PRSS55: variants seen among roughly 807,000 people sequenced by gnomAD.
PRSS55 encodes the protein probable serine protease UNQ9391/PRO34284.
A neutral mutation model predicts 23.6 loss-of-function variants in PRSS55; 41 were observed. That is an observed-to-expected ratio of 1.74 (90% confidence interval 1.35 to 2.26). The LOEUF is 2.26. Among genes scored for constraint, PRSS55 ranks in the 30% most tolerant of loss-of-function variants. The pLI is 0.00. For missense variants in PRSS55, 669 were observed against 439.1 expected, an observed-to-expected ratio of 1.52 and a Z score of -4.68; for synonymous variants, 262 against 175.5, an observed-to-expected ratio of 1.49 and a Z score of -3.90.
At chr8:10,545,732 A>G (rs1053780516) in intron 4 of PRSS55, among the ~76,000 whole-genome samples, 2 of 152,174 alleles carry the variant, frequency 1.3e-5, no homozygotes, top group Non-Finnish European at 2.9e-5. Context: ...GACTGTAGAG[A>G]CATGTGTTAT....
At chr8:10,541,018 G>C (rs1812640468), downstream of PRSS55, 1 of 152,650 alleles carries the variant, frequency 6.6e-6, no homozygotes, top group African/African-American at 2.4e-5. Flanking sequence ...TGGGGGCTGG[G>C]GTGGGCATAG....
At chr8:10,546,347 G>A (rs943649224) in intron 4 of PRSS55, among the ~76,000 whole-genome samples, 1 of 152,160 alleles carries the variant, frequency 6.6e-6, no homozygotes, top group East Asian at 1.9e-4. Context: ...CATGACCCCA[G>A]GGTTGCCACA....
chr8:10,536,013 C>T (rs1280304450), intron 4 of PRSS55, among the ~76,000 whole-genome samples: 3 of 152,090 alleles, frequency 2.0e-5, no homozygotes, highest in African/African-American at 4.8e-5. Context: ...GGTGAAACCC[C>T]GTCTCTACTG....
downstream of PRSS55, among the ~76,000 whole-genome samples, chr8:10,542,674 C>G (rs113051816): frequency 0.078 from 11,813 of 151,506 alleles, 560 homozygotes; most frequent in Middle Eastern, 0.12. Flanking sequence ...TCAAGACCAG[C>G]CTGGCCAAGA....
At chr8:10,529,397 GA>G in intron 1 of PRSS55, 109 bp from the exon 2 acceptor site, 1 of 1,089,132 alleles carries the variant, frequency 9.2e-7, no homozygotes, top group Non-Finnish European at 1.4e-6. Flanking sequence ...CTAGAATGGG[GA>G]TGAGGATATC....
In PRSS55 at chr8:10,525,658, C is replaced by T. The variant is rs998168017; in HGVS notation, c.73C>T (p.Pro25Ser). ...TCAGCTCGGTCCACGGACTCCTCTC[C>T]CAGAGGCTGGAGTGGCTATCCTAGG... is the stretch of plus-strand genomic sequence containing the variant. ...GTQLGPRTPLPEAGVAILGRA... is the reference protein window; with the variant it reads ...GTQLGPRTPLSEAGVAILGRA... Residue 25 changes from proline (P) to serine (S), a missense_variant, in exon 1 of 5, where the codon CCA becomes TCA. Coordinates refer to ENST00000328655, the MANE Select transcript of PRSS55 (RefSeq NM_198464.4). The T allele has an allele frequency of 1.9e-6, 3 of 1,614,172 alleles. No homozygotes were observed. Among genetic ancestry groups the T allele is most frequent in the Non-Finnish European group, 2.5e-6 (3 of 1,180,018 alleles).
intron 4 of PRSS55, among the ~76,000 whole-genome samples, chr8:10,552,341 A>G (rs1585899943): frequency 6.6e-6 from 1 of 152,194 alleles, no homozygotes; most frequent in Admixed American, 6.5e-5. Context: ...TCCTACTTTA[A>G]TCTACCGAGC....
intron 4 of PRSS55, among the ~76,000 whole-genome samples, chr8:10,534,453 C>G (rs887610057): frequency 1.4e-4 from 21 of 152,194 alleles, no homozygotes; most frequent in African/African-American, 4.6e-4. Flanking sequence ...CATCTCTCCA[C>G]TGAAGACTGC....
intron 4 of PRSS55, 50 bp from the exon 5 acceptor site, chr8:10,538,426 T>A (rs765424360): frequency 7.0e-7 from 1 of 1,420,206 alleles, no homozygotes; most frequent in South Asian, 1.3e-5. Flanking sequence ...CAGCCTCAGA[T>A]GGGCAGCTTA....
At chr8:10,532,818 C>T (rs1040188044) in intron 3 of PRSS55, 88 bp from the exon 4 acceptor site, 1 of 1,541,198 alleles carries the variant, frequency 6.5e-7, no homozygotes, top group Non-Finnish European at 8.9e-7. Context: ...GGCTGGGGGA[C>T]ACAGGGCCGA....
intron 1 of PRSS55, 134 bp from the exon 2 acceptor site, chr8:10,529,373 C>A: frequency 1.1e-6 from 1 of 891,946 alleles, no homozygotes; most frequent in Admixed American, 1.9e-5. Context: ...TCGGCAGCCT[C>A]AGTGAGCTCC....
At chr8:10,533,172 G>C in intron 4 of PRSS55, 124 bp downstream of exon 4, 1 of 1,056,366 alleles carries the variant, frequency 9.5e-7, no homozygotes, top group Non-Finnish European at 1.4e-6. Flanking sequence ...GGGAATTAGG[G>C]CCTGCAGCCA....
downstream of PRSS55, chr8:10,541,598 ATATC>A (rs1256851804): frequency 1.3e-5 from 2 of 152,062 alleles, no homozygotes; most frequent in African/African-American, 4.8e-5. Flanking sequence ...ATCTGTACCT[ATATC>A]TATATTTATA....
chr8:10,543,782 T>A (rs1812738846), downstream of PRSS55, among the ~76,000 whole-genome samples: 1 of 151,828 alleles, frequency 6.6e-6, no homozygotes, highest in Non-Finnish European at 1.5e-5. Flanking sequence ...ATGTAAGCTC[T>A]TTTTACTCAT....
chr8:10,538,353 G>A (rs1812527703), intron 4 of PRSS55, 123 bp from the exon 5 acceptor site: 1 of 727,640 alleles, frequency 1.4e-6, no homozygotes, highest in Admixed American at 2.8e-5. Context: ...GTGGAGCAGG[G>A]ATGGGGTGGG....
chr8:10,543,423 T>TCTTCCTTCCTTCCCTC (rs1812717675), downstream of PRSS55, among the ~76,000 whole-genome samples: 1 of 71,474 alleles, frequency 1.4e-5, no homozygotes, highest in Non-Finnish European at 3.3e-5. Flanking sequence ...CTTCTTTCTT[T>TCTTCCTTCCTTCCCTC]CTTCCTTCCT....
chr8:10,535,900 A>G (rs1812436835), intron 4 of PRSS55, among the ~76,000 whole-genome samples: 1 of 152,222 alleles, frequency 6.6e-6, no homozygotes, highest in South Asian at 2.1e-4. Flanking sequence ...AAAAATGGGC[A>G]GAGGGGCCGG....
intron 2 of PRSS55, among the ~76,000 whole-genome samples, chr8:10,529,978 C>T (rs1021148130): frequency 5.3e-5 from 8 of 152,190 alleles, no homozygotes; most frequent in South Asian, 2.1e-4. Context: ...TGGAGCCAAG[C>T]GGCTTGGTCC....
At chr8:10,537,092 G>T (rs535810671) in intron 4 of PRSS55, among the ~76,000 whole-genome samples, 3 of 152,112 alleles carry the variant, frequency 2.0e-5, no homozygotes, top group African/African-American at 7.2e-5. Context: ...ATTAAAAATA[G>T]AACTACCATA....
Sources: gnomAD v4.1 joint callset for allele counts (sites outside exome capture counted in the v4.1 genomes callset) on GRCh38, gnomAD v4.1.1 for gene constraint, MANE v1.5 for transcripts, NCBI Gene and HGNC (gene_info 2026-07-23, HGNC 2026-07-21) for gene names.